Variants in ACTG2 observed in about 807,000 individuals in gnomAD.
ACTG2 encodes actin gamma 2, smooth muscle, also known as actin, gamma-enteric smooth muscle.
A neutral mutation model predicts 37.6 loss-of-function variants in ACTG2; 16 were observed. The ratio of observed to expected loss-of-function variants is 0.43; its 90% CI spans 0.29 to 0.65. The LOEUF (loss-of-function observed/expected upper bound fraction) is 0.65. ACTG2 is among the 30% of genes least tolerant of loss of function. The pLI is 0.18. For synonymous variants in ACTG2, 181 were observed against 179.9 expected (o/e 1.01, Z -0.05); for missense variants, 238 against 490.9 (o/e 0.48, Z 4.87).
At chr2:73,909,794 G>A (rs781238735) in intron 5 of ACTG2, among the ~76,000 whole-genome samples, 1 of 152,162 alleles carries the variant, frequency 6.6e-6, no homozygotes, top group Non-Finnish European at 1.5e-5. Flanking sequence ...AATGGAGCTT[G>A]CAAGACTAGA....
At chr2:73,903,909 CACTGTGGGTG>C (rs1201060138) in intron 3 of ACTG2, among the ~76,000 whole-genome samples, 4 of 138,996 alleles carry the variant, frequency 2.9e-5, no homozygotes, top group Non-Finnish European at 6.1e-5. Context: ...CACTGCACTC[CACTGTGGGTG>C]ACAGAGTGAG....
chr2:73,916,143 C>A (rs918127524), intron 7 of ACTG2, among the ~76,000 whole-genome samples: 3 of 151,926 alleles, frequency 2.0e-5, no homozygotes, highest in Admixed American at 6.6e-5. Flanking sequence ...TTTGGGAGGC[C>A]GAGATGAGTG....
chr2:73,902,524 A>G (rs1427724076), intron 3 of ACTG2, 36 bp downstream of exon 3: 1 of 1,612,782 alleles, frequency 6.2e-7, no homozygotes, highest in Non-Finnish European at 8.5e-7. Flanking sequence ...GCCTGCTTTA[A>G]TGATCACCCA....
intron 7 of ACTG2, among the ~76,000 whole-genome samples, chr2:73,915,585 G>A (rs1680249372): frequency 6.6e-6 from 1 of 151,912 alleles, no homozygotes; most frequent in African/African-American, 2.4e-5. Flanking sequence ...AGTTTGGCGT[G>A]CAGGACCTTT....
intron 3 of ACTG2, among the ~76,000 whole-genome samples, chr2:73,904,408 A>G (rs1227349373): frequency 1.3e-5 from 2 of 152,112 alleles, no homozygotes; most frequent in African/African-American, 2.4e-5. Context: ...ACAGTGGCTC[A>G]TACCTGTAAT....
At chr2:73,905,695 T>A (rs1192455299) in intron 3 of ACTG2, among the ~76,000 whole-genome samples, 3 of 152,214 alleles carry the variant, frequency 2.0e-5, no homozygotes, top group Non-Finnish European at 4.4e-5. Flanking sequence ...TGGTTTAGCC[T>A]ATTTGTTAAT....
chr2:73,918,181 C>T (rs1271773406), intron 8 of ACTG2, among the ~76,000 whole-genome samples: 76 of 152,140 alleles, frequency 5.0e-4, no homozygotes, highest in Non-Finnish European at 4.4e-5. Context: ...CTTATATGAG[C>T]ACCTATCCAA....
intron 3 of ACTG2, among the ~76,000 whole-genome samples, chr2:73,903,946 AAAAAAAAAAAAAAC>A (rs1374652020): frequency 1.0e-5 from 1 of 95,774 alleles, no homozygotes; most frequent in Non-Finnish European, 2.2e-5. Flanking sequence ...TCTCAAAAAA[AAAAAAAAAAAAAAC>A]AAAAAAAAAA....
rs372174317 is a variant in ACTG2, at chr2:73,901,223, C to A, written c.-36-53C>A. On this transcript the variant is annotated intron_variant, in intron 1 of 8. Transcript: ENST00000345517. Reference sequence around the variant, plus strand: ...AGGCCCCAAAGCCAAGAAACTGTCTCCAAACTGATTTGACAAGTGGCTGAC... The same window carrying A: ...AGGCCCCAAAGCCAAGAAACTGTCTACAAACTGATTTGACAAGTGGCTGAC... 7.2e-6 allele frequency: 10 copies of A among 1,396,858 alleles called. No individual in the cohort carries two copies. In the African/African-American group the frequency reaches 1.5e-4, roughly 20 times the overall value. The allele number at this position is 1,396,858 out of a possible 1,614,324, so 86.5% of individuals were successfully genotyped here.
chr2:73,917,930 G>A (rs913113837), intron 8 of ACTG2, among the ~76,000 whole-genome samples: 2 of 152,152 alleles, frequency 1.3e-5, no homozygotes, highest in Non-Finnish European at 2.9e-5. Flanking sequence ...CCAGATTCTG[G>A]TCCAACAAGT....
chr2:73,917,520 A>G (rs1225258367), intron 8 of ACTG2, among the ~76,000 whole-genome samples: 1 of 152,220 alleles, frequency 6.6e-6, no homozygotes, highest in Non-Finnish European at 1.5e-5. Flanking sequence ...CCAAGCAGTC[A>G]CACAGACATT....
Position 73,902,368 on chromosome 2 carries a change from G to A in ACTG2, c.135G>A (p.Met45Ile). ...TTCTTTTTGCATTGCAGGGTGTGATGGTGGGAATGGGCCAGAAAGACAGCT... is the reference window on the plus strand; with the variant it reads ...TTCTTTTTGCATTGCAGGGTGTGATAGTGGGAATGGGCCAGAAAGACAGCT... ...IVGRPRHQGVMVGMGQKDSYV... is the reference protein window; with the variant it reads ...IVGRPRHQGVIVGMGQKDSYV... Residue 45 changes from methionine (M) to isoleucine (I), a missense_variant, in exon 3 of 9, where the codon ATG becomes ATA. Physicochemically the swap from Met to Ile is conservative, Grantham distance 10. Transcript: ENST00000345517. The A allele has an allele frequency of 6.2e-7, 1 of 1,613,938 alleles. No individual in the cohort carries two copies. The highest frequency in any genetic ancestry group is 8.5e-7 in the Non-Finnish European group (1 of 1,179,952).
chr2:73,906,641 T>C (rs767607837), intron 3 of ACTG2, among the ~76,000 whole-genome samples: 3 of 151,830 alleles, frequency 2.0e-5, no homozygotes, highest in Non-Finnish European at 4.4e-5. Context: ...CCACATCCAG[T>C]TGATTTTTTA....
chr2:73,895,810 C>T lies in ACTG2; in HGVS notation c.-37+2759C>T, dbSNP rs528947311. Among the ~76,000 whole-genome samples, 111 of 152,140 alleles carry T rather than the reference C, an allele frequency of 7.3e-4. 1 individual carries two copies. The highest frequency in any genetic ancestry group is 1.1e-3 in the Non-Finnish European group (77 of 68,034). On this transcript the variant is annotated intron_variant, in intron 1 of 8. Coordinates refer to ENST00000345517, the MANE Select transcript of ACTG2 (RefSeq NM_001615.4). ...AATCATTATTCTTTACAGCCCTTGA[C>T]GACAGGGATTGACGAAGCCCGGATA...
intron 5 of ACTG2, among the ~76,000 whole-genome samples, chr2:73,909,703 C>T (rs546538885): frequency 6.6e-6 from 1 of 152,152 alleles, no homozygotes; most frequent in South Asian, 2.1e-4. Context: ...TATAGCTAAA[C>T]ATATTGAAAC....
chr2:73,914,419 C>A (rs1573473402), intron 6 of ACTG2, among the ~76,000 whole-genome samples: 1 of 152,152 alleles, frequency 6.6e-6, no homozygotes, highest in Non-Finnish European at 1.5e-5. Flanking sequence ...ATTAGCCGAG[C>A]TTAGTGGCGC....
At chr2:73,898,791 C>CTTTTTTTTTTT (rs1183989476) in intron 1 of ACTG2, among the ~76,000 whole-genome samples, 1 of 92,914 alleles carries the variant, frequency 1.1e-5, no homozygotes, top group African/African-American at 3.8e-5. Flanking sequence ...TTTTTCTTTT[C>CTTTTTTTTTTT]TTTTTTTTTT....
At chr2:73,903,353 G>A (rs1679931653) in intron 3 of ACTG2, among the ~76,000 whole-genome samples, 1 of 152,184 alleles carries the variant, frequency 6.6e-6, no homozygotes, top group South Asian at 2.1e-4. Flanking sequence ...ATCCTAGACT[G>A]AGTCACTCAA....
At chr2:73,898,723 A>G (rs887022012) in intron 1 of ACTG2, among the ~76,000 whole-genome samples, 1 of 151,826 alleles carries the variant, frequency 6.6e-6, no homozygotes, top group East Asian at 1.9e-4. Context: ...GCCATAGCAC[A>G]CTGCTGATGG....
Sources: gnomAD v4.1 joint callset for allele counts (sites outside exome capture counted in the v4.1 genomes callset) on GRCh38, gnomAD v4.1.1 for gene constraint, MANE v1.5 for transcripts, NCBI Gene and HGNC (gene_info 2026-07-23, HGNC 2026-07-21) for gene names.